The following PM20D2 variants were observed in gnomAD, a reference collection of about 807,000 sequenced individuals.
PM20D2 encodes the protein peptidase M20 domain containing 2, also known as xaa-Arg dipeptidase.
Under a neutral mutation model 42.9 loss-of-function variants are expected in PM20D2, and 33 were observed. That is an observed-to-expected ratio of 0.77 (90% CI 0.58 to 1.03). The LOEUF (loss-of-function observed/expected upper bound fraction) is 1.03. PM20D2 is among the 50% of genes least tolerant of loss of function. The pLI, the probability that PM20D2 is intolerant of heterozygous loss-of-function variation, is 0.00. For synonymous variants in PM20D2, 250 were observed against 228.2 expected, an observed-to-expected ratio of 1.10 and a Z score of -0.86; for missense variants, 548 against 557.0, an observed-to-expected ratio of 0.98 and a Z score of 0.16.
chr6:89,096,641 T>C, the PM20D2 span: 1 of 151,822 alleles, frequency 6.6e-6, no homozygotes, highest in South Asian at 2.1e-4. Flanking sequence ...TCCCTAGTTA[T>C]TATTTTTCAC....
At chr6:89,115,123 A>C in the PM20D2 span, among the ~76,000 whole-genome samples, 3 of 151,436 alleles carry the variant, frequency 2.0e-5, no homozygotes, top group African/African-American at 4.9e-5. Context: ...AGACTCTCTA[A>C]AGGTCTCTCT....
the PM20D2 span, among the ~76,000 whole-genome samples, chr6:89,128,323 C>T: frequency 5.3e-5 from 8 of 152,128 alleles, no homozygotes; most frequent in Non-Finnish European, 8.8e-5. Flanking sequence ...GACTGAGATA[C>T]GCCCTGGTCT....
At chr6:89,107,359 C>G in the PM20D2 span, 5 of 809,194 alleles carry the variant, frequency 6.2e-6, no homozygotes, top group Non-Finnish European at 1.0e-5. Flanking sequence ...AGAACATCAT[C>G]TAGACCAGCA....
intron 1 of PM20D2, 81 bp downstream of exon 1, chr6:89,146,690 C>T (rs923284031): frequency 3.0e-4 from 364 of 1,194,424 alleles, no homozygotes; most frequent in Non-Finnish European, 3.9e-4. Flanking sequence ...TCTCGTGCGT[C>T]CCGCGCGCCT....
chr6:89,115,297 T>C, the PM20D2 span, among the ~76,000 whole-genome samples: 1 of 151,970 alleles, frequency 6.6e-6, no homozygotes, highest in Non-Finnish European at 1.5e-5. Flanking sequence ...TTATTTATTT[T>C]TTGAGACAGA....
chr6:89,133,344 CATAATT>C, the PM20D2 span, among the ~76,000 whole-genome samples: 3 of 151,268 alleles, frequency 2.0e-5, no homozygotes, highest in Middle Eastern at 6.8e-3. Context: ...ATATAAATCT[CATAATT>C]ATTTGTTTTC....
In PM20D2 at chr6:89,165,263, A is replaced by G. The variant is rs1771381575; in HGVS notation, c.*3000A>G. On this transcript the variant is annotated 3_prime_UTR_variant, in exon 7 of 7. Coordinates refer to ENST00000275072, the MANE Select transcript of PM20D2 (RefSeq NM_001010853.3). The stretch of plus-strand genomic sequence containing the variant: ...TTATCTCTTTAGTCTTTTGGAAAAT[A>G]CCCTACACAATACTAACCTTTAAAA... The G allele has an allele frequency of 2.0e-5, 3 of 152,200 alleles. No homozygotes were observed. In the South Asian group the frequency reaches 6.2e-4, roughly 32 times the overall value. 9.4% of individuals were successfully genotyped at this position (152,200 alleles called of 1,614,324 possible). A position where few individuals can be genotyped will look rare whatever the true frequency, so the allele number is the denominator to read the frequency against.
the PM20D2 span, among the ~76,000 whole-genome samples, chr6:89,136,523 A>G: frequency 6.7e-6 from 1 of 150,336 alleles, no homozygotes; most frequent in South Asian, 2.1e-4. Flanking sequence ...TAAAAATACA[A>G]AAAAATCAGC....
chr6:89,125,103 A>C, the PM20D2 span, among the ~76,000 whole-genome samples: 1 of 152,120 alleles, frequency 6.6e-6, no homozygotes, highest in African/African-American at 2.4e-5. Context: ...TCTGACAAAA[A>C]TGTGGAGGAT....
At chr6:89,106,249 A>C in the PM20D2 span, among the ~76,000 whole-genome samples, 1 of 151,098 alleles carries the variant, frequency 6.6e-6, no homozygotes, top group Non-Finnish European at 1.5e-5. Flanking sequence ...AGTAGCTGGG[A>C]CTACAGGTGC....
At chr6:89,142,745 C>T (rs911730801), upstream of PM20D2, among the ~76,000 whole-genome samples, 3 of 152,180 alleles carry the variant, frequency 2.0e-5, no homozygotes, top group Non-Finnish European at 2.9e-5. Flanking sequence ...GCAAGCTCCA[C>T]CTCCCGGGTT....
the PM20D2 span, chr6:89,098,845 A>G: frequency 6.2e-7 from 1 of 1,613,894 alleles, no homozygotes; most frequent in Non-Finnish European, 8.5e-7. Context: ...TAGAGCCAAA[A>G]TTCCTTCTTG....
chr6:89,118,266 C>T, the PM20D2 span, among the ~76,000 whole-genome samples: 1 of 152,122 alleles, frequency 6.6e-6, no homozygotes, highest in Non-Finnish European at 1.5e-5. Context: ...GGGCTTGAGG[C>T]CGCGGCGGGG....
intron 4 of PM20D2, among the ~76,000 whole-genome samples, chr6:89,157,117 G>A (rs1002688093): frequency 6.6e-6 from 1 of 151,862 alleles, no homozygotes; most frequent in Non-Finnish European, 1.5e-5. Flanking sequence ...TTTTTGTAGA[G>A]ATAGGCTCTC....
chr6:89,095,453 G>A, the PM20D2 span, among the ~76,000 whole-genome samples: 1 of 152,142 alleles, frequency 6.6e-6, no homozygotes, highest in Non-Finnish European at 1.5e-5. Flanking sequence ...CCAAAGTGCT[G>A]AGACTGCAGG....
chr6:89,158,411 G>A lies in PM20D2; in HGVS notation c.999G>A (p.Lys333=), dbSNP rs375809810. The A allele has an allele frequency of 9.9e-6, 16 of 1,612,580 alleles. No homozygotes were observed. The highest frequency in any genetic ancestry group is 1.1e-5 in the Non-Finnish European group (13 of 1,179,626). ...AAGCCTATATGGAAAATGGAAGAAA[G>A]CTAGGAATAGAGTTCATTTCAGAAG... ...LWKAYMENGR[K]LGIEFISEDT... is the part of the protein sequence containing the mutation. The change falls in exon 5 of 7, where the codon AAG becomes AAA. Residue 333 remains lysine, a synonymous_variant. Coordinates refer to ENST00000275072, the MANE Select transcript of PM20D2 (RefSeq NM_001010853.3).
At chr6:89,123,375 C>T in the PM20D2 span, among the ~76,000 whole-genome samples, 2 of 152,102 alleles carry the variant, frequency 1.3e-5, no homozygotes, top group Admixed American at 1.3e-4. Context: ...AATTAGCTCA[C>T]TTTTATTTAA....
rs1316789981 is a variant in PM20D2, at chr6:89,146,107, G to A, written c.-38G>A. ...CGGTCGCTACCTGCGGCCGAGCCAG[G>A]GAGCGAGAGGGCGCAGAGGGCAGCG... On this transcript the variant is annotated 5_prime_UTR_variant, in exon 1 of 7. Coordinates refer to ENST00000275072, the MANE Select transcript of PM20D2 (RefSeq NM_001010853.3). The A allele has an allele frequency of 4.3e-6, 6 of 1,383,930 alleles. No individual in the cohort carries two copies. Among genetic ancestry groups the A allele is most frequent in the Non-Finnish European group, 5.6e-6 (6 of 1,072,992 alleles). The allele number at this position is 1,383,930 out of a possible 1,614,324, so 85.7% of individuals were successfully genotyped here. A position where few individuals can be genotyped will look rare whatever the true frequency, so the allele number is the denominator to read the frequency against.
In PM20D2 at chr6:89,164,383, A is replaced by C. The variant is rs546541541; in HGVS notation, c.*2120A>C. 2 of 152,714 alleles carry C rather than the reference A, an allele frequency of 1.3e-5. No homozygotes were observed. Among genetic ancestry groups the C allele is most frequent in the South Asian group, 4.1e-4 (2 of 4,828 alleles). 9.5% of individuals were successfully genotyped at this position (152,714 alleles called of 1,614,324 possible). A position where few individuals can be genotyped will look rare whatever the true frequency, so the allele number is the denominator to read the frequency against. The stretch of plus-strand genomic sequence containing the variant: ...GAAGAAAAGACACTTGCAAAGGAAG[A>C]GCTAAGATTAACATAATTTCTTTGG... On this transcript the variant is annotated 3_prime_UTR_variant, in exon 7 of 7. Transcript: ENST00000275072.
Sources: gnomAD v4.1 joint callset for allele counts (sites outside exome capture counted in the v4.1 genomes callset) on GRCh38, gnomAD v4.1.1 for gene constraint, MANE v1.5 for transcripts, NCBI Gene and HGNC (gene_info 2026-07-23, HGNC 2026-07-21) for gene names.